GSTCD: variants seen among roughly 807,000 people sequenced by gnomAD.
The protein encoded by GSTCD is glutathione S-transferase C-terminal domain containing.
GSTCD carries 44 observed loss-of-function variants against 68.3 expected under a neutral mutation model. That is an observed-to-expected ratio of 0.64 (90% CI 0.51 to 0.83). GSTCD has a LOEUF of 0.83. Among genes scored for constraint, GSTCD ranks in the 40% least tolerant of loss-of-function variants. The pLI, the probability that GSTCD is intolerant of heterozygous loss-of-function variation, is 0.00. For synonymous variants in GSTCD, 273 were observed against 255.2 expected, an observed-to-expected ratio of 1.07 and a Z score of -0.67; for missense variants, 739 against 735.9, an observed-to-expected ratio of 1.00 and a Z score of -0.05.
chr4:105,794,669 C>G (rs765354260), intron 5 of GSTCD, among the ~76,000 whole-genome samples: 3 of 150,926 alleles, frequency 2.0e-5, no homozygotes, highest in Non-Finnish European at 4.4e-5. Flanking sequence ...AACTCTGTGG[C>G]CTATAAAATG....
intron 5 of GSTCD, among the ~76,000 whole-genome samples, chr4:105,817,325 C>T (rs1345689941): frequency 6.6e-6 from 1 of 151,668 alleles, no homozygotes; most frequent in East Asian, 1.9e-4. Flanking sequence ...ATAAATTAGC[C>T]TTTTTTAACA....
chr4:105,749,223 A>T (rs1733920465), intron 5 of GSTCD, among the ~76,000 whole-genome samples: 1 of 152,006 alleles, frequency 6.6e-6, no homozygotes, highest in African/African-American at 2.4e-5. Flanking sequence ...TATGATAATA[A>T]TACACTTATT....
intron 5 of GSTCD, among the ~76,000 whole-genome samples, chr4:105,750,417 G>A (rs1213923619): frequency 1.9e-4 from 28 of 144,140 alleles, no homozygotes; most frequent in Non-Finnish European, 1.8e-4. Context: ...CCGAGATTGC[G>A]CCATTGCACT....
At chr4:105,710,243 T>A (rs998620245) in intron 1 of GSTCD, among the ~76,000 whole-genome samples, 3 of 141,754 alleles carry the variant, frequency 2.1e-5, no homozygotes, top group Non-Finnish European at 4.6e-5. Flanking sequence ...TTTTTTTTTT[T>A]TTTTTTTTTT....
intron 5 of GSTCD, among the ~76,000 whole-genome samples, chr4:105,784,297 A>G (rs1288799287): frequency 6.6e-6 from 1 of 152,218 alleles, no homozygotes; most frequent in African/African-American, 2.4e-5. Flanking sequence ...TGGCACTAGC[A>G]TCTGGTGAGG....
At chr4:105,715,436 A>G (rs1037514828) in intron 1 of GSTCD, among the ~76,000 whole-genome samples, 1 of 152,172 alleles carries the variant, frequency 6.6e-6, no homozygotes, top group African/African-American at 2.4e-5. Flanking sequence ...TGTTGCTTTT[A>G]CAGTATATAA....
chr4:105,798,679 T>C (rs1417581810), intron 5 of GSTCD, among the ~76,000 whole-genome samples: 3 of 152,166 alleles, frequency 2.0e-5, no homozygotes, highest in Non-Finnish European at 2.9e-5. Flanking sequence ...TTTTTCTGAG[T>C]AGTAAGTCTC....
At chr4:105,830,476 C>A (rs1245166194) in intron 8 of GSTCD, among the ~76,000 whole-genome samples, 1 of 152,038 alleles carries the variant, frequency 6.6e-6, no homozygotes, top group Non-Finnish European at 1.5e-5. Flanking sequence ...TACCCCTTTT[C>A]AGCAAGCTAC....
intron 5 of GSTCD, among the ~76,000 whole-genome samples, chr4:105,754,761 G>C (rs1343838351): frequency 1.3e-5 from 2 of 152,020 alleles, no homozygotes; most frequent in Non-Finnish European, 2.9e-5. Flanking sequence ...TAAAATGTTT[G>C]GAGGGGCTGG....
Position 105,786,155 on chromosome 4 carries a change from G to A in GSTCD, c.1241-36799G>A, listed in dbSNP as rs963507631. 2.0e-5 allele frequency among the ~76,000 whole-genome samples: 3 copies of A among 152,132 alleles called. No individual in the cohort carries two copies. In the East Asian group the frequency reaches 5.8e-4, roughly 29 times the overall value. ...TACTGGATTATACAAAGCCTTCTAA[G>A]AATGACACTAAAAATACAAGCAATA... On this transcript the variant is annotated intron_variant, in intron 5 of 11. Transcript: ENST00000515279.
intron 10 of GSTCD, 57 bp downstream of exon 10, chr4:105,837,946 T>C: frequency 1.5e-6 from 1 of 682,522 alleles, no homozygotes; most frequent in Non-Finnish European, 2.4e-6. Context: ...TTTATATTTT[T>C]CCCTCTCATA....
intron 8 of GSTCD, among the ~76,000 whole-genome samples, chr4:105,833,110 TGATA>T (rs1364260129): frequency 1.3e-5 from 2 of 152,222 alleles, no homozygotes; most frequent in East Asian, 1.9e-4. Context: ...TTCCTCTTCC[TGATA>T]GAGTATTGTT....
rs187677440 is a variant in GSTCD, at chr4:105,847,079, A to G, written c.*1502A>G. The G allele has an allele frequency of 2.0e-5, 3 of 152,324 alleles. No homozygotes were observed. The highest frequency in any genetic ancestry group is 7.2e-5 in the African/African-American group (3 of 41,564). 9.4% of individuals were successfully genotyped at this position (152,324 alleles called of 1,614,324 possible). On this transcript the variant is annotated 3_prime_UTR_variant, in exon 12 of 12. Transcript: ENST00000515279. ...TGGTGTGAGGAGTGCAGAATATGGA[A>G]GCTTACCTAAATTCTTTTTCTGCCA...
Position 105,831,072 on chromosome 4 carries a change from G to A in GSTCD, c.1531-3389G>A, listed in dbSNP as rs765902643. Among the ~76,000 whole-genome samples the A allele has an allele frequency of 2.6e-5, 4 of 152,164 alleles. No individual in the cohort carries two copies. In the South Asian group the frequency reaches 8.3e-4, roughly 32 times the overall value. ...TTTTCTTTCAGTGGTGTGGCAGTGT[G>A]TACAAAACAGGGACTTTTAATATAA... On this transcript the variant is annotated intron_variant, in intron 8 of 11. Transcript: ENST00000515279.
intron 5 of GSTCD, among the ~76,000 whole-genome samples, chr4:105,797,760 CTTTTT>C (rs70941218): frequency 1.8e-4 from 15 of 84,954 alleles, no homozygotes; most frequent in African/African-American, 7.1e-4. Context: ...CACAATAGAA[CTTTTT>C]TTTTTTTTTT....
At chr4:105,824,670 G>A (rs1276728221) in intron 7 of GSTCD, among the ~76,000 whole-genome samples, 1 of 152,026 alleles carries the variant, frequency 6.6e-6, no homozygotes, top group Non-Finnish European at 1.5e-5. Context: ...TGGCCTTGTT[G>A]CCACCAATCC....
intron 6 of GSTCD, 28 bp from the exon 7 acceptor site, chr4:105,823,203 A>G (rs1723400160): frequency 6.2e-7 from 1 of 1,612,818 alleles, no homozygotes; most frequent in African/African-American, 1.3e-5. Flanking sequence ...GACCAAAGCT[A>G]ACTTGTTTGT....
At chr4:105,729,335 T>G in intron 4 of GSTCD, 71 bp from the exon 5 acceptor site, 2 of 857,478 alleles carry the variant, frequency 2.3e-6, no homozygotes, top group Non-Finnish European at 3.6e-6. Flanking sequence ...AAATATAATT[T>G]TTTAGCCTTC....
intron 5 of GSTCD, among the ~76,000 whole-genome samples, chr4:105,796,319 A>G (rs562091565): frequency 6.6e-6 from 1 of 152,240 alleles, no homozygotes; most frequent in East Asian, 1.9e-4. Flanking sequence ...TGATTCAGTT[A>G]CCTCCCACTG....
Sources: gnomAD v4.1 joint callset for allele counts (sites outside exome capture counted in the v4.1 genomes callset) on GRCh38, gnomAD v4.1.1 for gene constraint, MANE v1.5 for transcripts, NCBI Gene and HGNC (gene_info 2026-07-23, HGNC 2026-07-21) for gene names.